The following PRKCZ variants were observed in gnomAD, a reference collection of about 807,000 sequenced individuals.
PRKCZ encodes protein kinase C zeta.
Under a neutral mutation model 79.5 loss-of-function variants are expected in PRKCZ, and 33 were observed. The ratio of observed to expected loss-of-function variants is 0.41; its 90% CI spans 0.31 to 0.55. The LOEUF (loss-of-function observed/expected upper bound fraction) is 0.55. PRKCZ is among the 20% of genes least tolerant of loss of function. PRKCZ has a pLI of 0.19. For synonymous variants in PRKCZ, 342 were observed against 320.9 expected, an observed-to-expected ratio of 1.07 and a Z score of -0.70; for missense variants, 578 against 813.5, an observed-to-expected ratio of 0.71 and a Z score of 3.52.
chr1:2,140,460 C>G (rs1025371430), intron 5 of PRKCZ, among the ~76,000 whole-genome samples: 10 of 152,170 alleles, frequency 6.6e-5, no homozygotes, highest in African/African-American at 1.9e-4. Flanking sequence ...CGAGACCAGC[C>G]TGGTCAACAT....
At chr1:2,059,198 A>G (rs569835819) in intron 3 of PRKCZ, among the ~76,000 whole-genome samples, 1 of 152,368 alleles carries the variant, frequency 6.6e-6, no homozygotes, top group African/African-American at 2.4e-5. Flanking sequence ...AAGAAGTGGA[A>G]TCTAAAGTGC....
rs931442037 is a variant in PRKCZ at position 2,125,369 on chromosome 1, G to A, written c.335-9893G>A. ...AAATTAGGATATTTTCAGTAGAACTGATTGTAAGGCCAGACTGTTGGAATG... is the reference window on the plus strand; with the variant it reads ...AAATTAGGATATTTTCAGTAGAACTAATTGTAAGGCCAGACTGTTGGAATG... On this transcript the variant is annotated intron_variant, in intron 4 of 17. Transcript: ENST00000378567. This position sits in a 1 kb window ranked among gnomAD's most constrained non-coding sequence, Gnocchi z 4.2. Among the ~76,000 whole-genome samples, 19 of 152,242 alleles carry A rather than the reference G, an allele frequency of 1.2e-4. No individual in the cohort carries two copies. The highest frequency in any genetic ancestry group is 3.9e-4 in the African/African-American group (16 of 41,462).
At chr1:2,129,231 C>A (rs1045466759) in intron 4 of PRKCZ, among the ~76,000 whole-genome samples, 1 of 152,110 alleles carries the variant, frequency 6.6e-6, no homozygotes, top group Non-Finnish European at 1.5e-5. Context: ...CAGAATCCCC[C>A]GAAAAGGTGG....
chr1:2,115,833 C>T (rs970710106), intron 4 of PRKCZ, among the ~76,000 whole-genome samples: 1 of 152,224 alleles, frequency 6.6e-6, no homozygotes, highest in Non-Finnish European at 1.5e-5. Flanking sequence ...CGCCACCCTC[C>T]AGCACCTTGG....
rs564423095 is a variant in PRKCZ at position 2,132,243 on chromosome 1, C to T, written c.335-3019C>T. On this transcript the variant is annotated intron_variant, in intron 4 of 17. Coordinates refer to ENST00000378567, the MANE Select transcript of PRKCZ (RefSeq NM_002744.6). The stretch of plus-strand genomic sequence containing the variant: ...GGCCACTGCACATGGCTGAGGTGGG[C>T]TTCGCACTGGCTCTGTCTTCCGTTG... Among the ~76,000 whole-genome samples, 11 of 152,370 alleles carry T rather than the reference C, an allele frequency of 7.2e-5. No homozygotes were observed. The East Asian group carries it at 2.1e-3, about 29-fold the overall frequency.
At chr1:2,154,508 G>T (rs1034680043) in intron 9 of PRKCZ, among the ~76,000 whole-genome samples, 2 of 152,112 alleles carry the variant, frequency 1.3e-5, no homozygotes, top group Non-Finnish European at 2.9e-5. Flanking sequence ...TTCCGGGAGT[G>T]GGGGCAGGCA....
intron 4 of PRKCZ, among the ~76,000 whole-genome samples, chr1:2,089,917 G>T (rs546918093): frequency 1.3e-5 from 2 of 152,058 alleles, no homozygotes; most frequent in African/African-American, 4.8e-5. Context: ...CAAACAAAAA[G>T]CTTTATTCTC....
At chr1:2,156,773 A>T (rs1681138718) in intron 10 of PRKCZ, 1 of 152,382 alleles carries the variant, frequency 6.6e-6, no homozygotes, top group South Asian at 2.1e-4. Context: ...CAGTTCCTCC[A>T]GCAATGAATT....
intron 4 of PRKCZ, chr1:2,098,214 T>G (rs1026244162): frequency 9.2e-5 from 14 of 152,228 alleles, no homozygotes; most frequent in Admixed American, 8.5e-4. Context: ...GAAGTTAAAC[T>G]TTAGAATGAA....
At position 2,185,339 on chromosome 1, in the gene PRKCZ, C is replaced by T. The variant is rs1016106065; in HGVS notation, c.*330C>T. 2.5e-5 allele frequency: 18 copies of T among 718,684 alleles called. No individual in the cohort carries two copies. The highest frequency in any genetic ancestry group is 4.0e-5 in the Admixed American group (2 of 50,006). The allele number at this position is 718,684 out of a possible 1,614,324, so 44.5% of individuals were successfully genotyped here. A position where few individuals can be genotyped will look rare whatever the true frequency, so the allele number is the denominator to read the frequency against. ...CAGAACTCGATGCACTGACCTGCTCCGCCAGGAAAGTGAGCGTGTAGCGTC... is the reference window on the plus strand; with the variant it reads ...CAGAACTCGATGCACTGACCTGCTCTGCCAGGAAAGTGAGCGTGTAGCGTC... On this transcript the variant is annotated 3_prime_UTR_variant, in exon 18 of 18. Coordinates refer to ENST00000378567, the MANE Select transcript of PRKCZ (RefSeq NM_002744.6).
intron 4 of PRKCZ, among the ~76,000 whole-genome samples, chr1:2,099,628 G>T (rs927814195): frequency 6.6e-6 from 1 of 152,338 alleles, no homozygotes; most frequent in East Asian, 1.9e-4. Flanking sequence ...GGCACAGGCT[G>T]TGGCTGTAGG....
At chr1:2,121,680 AGGGT>A (rs1672042101) in intron 4 of PRKCZ, among the ~76,000 whole-genome samples, 8 of 126,814 alleles carry the variant, frequency 6.3e-5, no homozygotes, top group African/African-American at 1.6e-4. Flanking sequence ...GGTGGTGGTT[AGGGT>A]CACGGTGGTG....
intron 4 of PRKCZ, among the ~76,000 whole-genome samples, chr1:2,066,387 G>A (rs2102277642): frequency 6.6e-6 from 1 of 152,290 alleles, no homozygotes; most frequent in African/African-American, 2.4e-5. Flanking sequence ...TCTCTCTGAT[G>A]GAGAGAGTGC....
chr1:2,180,478 C>T (rs1171442201), intron 16 of PRKCZ, among the ~76,000 whole-genome samples: 5 of 151,272 alleles, frequency 3.3e-5, no homozygotes, highest in African/African-American at 9.7e-5. Flanking sequence ...CCAGACGACG[C>T]GGACGCACAG....
chr1:2,054,841 C>G (rs528492873), intron 1 of PRKCZ, among the ~76,000 whole-genome samples: 1 of 152,198 alleles, frequency 6.6e-6, no homozygotes, highest in South Asian at 2.1e-4. Context: ...GTTGCCGGAC[C>G]TCCCACAAGA....
At chr1:2,171,957 C>CTTG in intron 11 of PRKCZ, 98 bp from the exon 12 acceptor site, 2 of 1,426,246 alleles carry the variant, frequency 1.4e-6, no homozygotes, top group Non-Finnish European at 1.9e-6. Context: ...ATGCCGGGCC[C>CTTG]GTGGTGGGGC....
intron 1 of PRKCZ, among the ~76,000 whole-genome samples, chr1:2,051,544 G>A (rs888791038): frequency 6.6e-6 from 1 of 152,250 alleles, no homozygotes; most frequent in Non-Finnish European, 1.5e-5. Context: ...CAGAGAGGGA[G>A]GGGAGCAGAA....
rs1235215693 is a variant in PRKCZ at position 2,124,201 on chromosome 1, G to C, written c.335-11061G>C. ...TGGTTAGGGTCACGGCTGTAGTTAGGGTCACGGCTGTAGTTAGCGTCACGG... is the reference window on the plus strand; with the variant it reads ...TGGTTAGGGTCACGGCTGTAGTTAGCGTCACGGCTGTAGTTAGCGTCACGG... On this transcript the variant is annotated intron_variant, in intron 4 of 17. Transcript: ENST00000378567. 4.7e-5 allele frequency among the ~76,000 whole-genome samples: 6 copies of C among 127,042 alleles called. 1 individual carries two copies. Among genetic ancestry groups the C allele is most frequent in the African/African-American group, 9.0e-5 (3 of 33,352 alleles). 83.3% of individuals were successfully genotyped at this position (127,042 alleles called of 152,430 possible).
rs889303593 is a variant in PRKCZ, at chr1:2,174,562, G to A, written c.1406-192G>A. Reference sequence around the variant, plus strand: ...GTCCGATCCTACGACACGTGCCAGCGCATGTAACCAGGAGGCCCAGGGAGG... The same window carrying A: ...GTCCGATCCTACGACACGTGCCAGCACATGTAACCAGGAGGCCCAGGGAGG... On this transcript the variant is annotated intron_variant, in intron 14 of 17. Transcript: ENST00000378567. The surrounding 1 kb of genome is among the most constrained non-coding windows in gnomAD (Gnocchi z 6.2). Among the ~76,000 whole-genome samples, 8 of 152,266 alleles carry A rather than the reference G, an allele frequency of 5.3e-5. No individual in the cohort carries two copies. The East Asian group carries it at 9.6e-4, about 18-fold the overall frequency.
Sources: allele counts gnomAD v4.1 joint callset (sites outside exome capture counted in the v4.1 genomes callset), GRCh38; gene constraint gnomAD v4.1.1; non-coding constraint Gnocchi (gnomAD v3.1); transcripts MANE v1.5; gene names NCBI Gene and HGNC (gene_info 2026-07-23, HGNC 2026-07-21).